KCNMA1: variants seen among roughly 807,000 people sequenced by gnomAD.
KCNMA1 encodes potassium calcium-activated channel subfamily M alpha 1.
Under a neutral mutation model 140.0 loss-of-function variants are expected in KCNMA1, and 29 were observed. The ratio of observed to expected loss-of-function variants is 0.21; its 90% CI spans 0.15 to 0.28. The LOEUF (loss-of-function observed/expected upper bound fraction) is 0.28. Among genes scored for constraint, KCNMA1 ranks in the 10% least tolerant of loss-of-function variants. The probability of loss-of-function intolerance (pLI) is 1.00; values close to 1 mark genes in which losing one functional copy is unlikely to be tolerated. For missense variants in KCNMA1, 880 were observed against 1,602.2 expected (o/e 0.55, Z 7.70); for synonymous variants, 612 against 611.9 (o/e 1.00, Z 0.00).
chr10:77,314,174 G>A (rs1003052386), intron 2 of KCNMA1: 1 of 152,098 alleles, frequency 6.6e-6, no homozygotes, highest in Non-Finnish European at 1.5e-5. Flanking sequence ...GTGTCTATTG[G>A]GTGTACAGTG....
chr10:76,889,701 G>A (rs1374373818), intron 26 of KCNMA1, 132 bp from the exon 27 acceptor site: 1 of 764,736 alleles, frequency 1.3e-6, no homozygotes, highest in African/African-American at 1.7e-5. Flanking sequence ...ATGTGCCAAG[G>A]GACGGCAGTG....
chr10:77,244,967 G>A lies in KCNMA1; in HGVS notation c.602+6228C>T, dbSNP rs11593851. Among the ~76,000 whole-genome samples, 4 of 151,812 alleles carry A rather than the reference G, an allele frequency of 2.6e-5. No individual in the cohort carries two copies. In the East Asian group the frequency reaches 5.8e-4, roughly 22 times the overall value. ...GTTCCCTTCACAGATGTGCAGTGCC[G>A]TTCTGAACATCCTGCCCTTGAACTT... On this transcript the variant is annotated intron_variant, in intron 3 of 27. Transcript: ENST00000286628.
At chr10:77,200,772 A>G (rs2042203546) in intron 3 of KCNMA1, among the ~76,000 whole-genome samples, 1 of 152,274 alleles carries the variant, frequency 6.6e-6, no homozygotes, top group African/African-American at 2.4e-5. Context: ...TGGACATAGT[A>G]GACACATGCC....
At chr10:77,170,980 C>T (rs2098700043) in intron 5 of KCNMA1, among the ~76,000 whole-genome samples, 1 of 152,166 alleles carries the variant, frequency 6.6e-6, no homozygotes, top group Non-Finnish European at 1.5e-5. Flanking sequence ...TAAAGGATTA[C>T]ATTAATAAGA....
chr10:77,063,698 C>T, intron 14 of KCNMA1: 1 of 979,020 alleles, frequency 1.0e-6, no homozygotes, highest in Non-Finnish European at 1.2e-6. Context: ...TATTTTATTC[C>T]TTATGGCTTA....
chr10:76,952,261 C>G, intron 21 of KCNMA1: 2 of 1,336,722 alleles, frequency 1.5e-6, no homozygotes, highest in East Asian at 5.2e-5. Context: ...TGACTCACGC[C>G]TGTAATCCCA....
chr10:77,205,323 G>A (rs918581336), intron 3 of KCNMA1, among the ~76,000 whole-genome samples: 4 of 152,170 alleles, frequency 2.6e-5, no homozygotes, highest in African/African-American at 9.7e-5. Flanking sequence ...AGAGATGTGT[G>A]CATATCAAAT....
intron 19 of KCNMA1, 41 bp downstream of exon 19, chr10:77,001,366 C>T: frequency 1.3e-6 from 2 of 1,527,772 alleles, no homozygotes; most frequent in East Asian, 2.5e-5. Flanking sequence ...ATACCACAGA[C>T]AGCACAAACA....
At chr10:77,490,825 C>G (rs757228824) in intron 1 of KCNMA1, among the ~76,000 whole-genome samples, 1 of 152,202 alleles carries the variant, frequency 6.6e-6, no homozygotes, top group Non-Finnish European at 1.5e-5. Flanking sequence ...GGACCGAAAT[C>G]TCTAGGACCA....
chr10:77,402,260 G>A (rs193119228), intron 2 of KCNMA1, among the ~76,000 whole-genome samples: 18 of 152,296 alleles, frequency 1.2e-4, no homozygotes, highest in African/African-American at 4.3e-4. Context: ...GAGGCAGGAG[G>A]AGAGATAGAG....
At chr10:77,184,738 C>G in intron 4 of KCNMA1, 85 bp downstream of exon 4, 1 of 883,190 alleles carries the variant, frequency 1.1e-6, no homozygotes, top group Non-Finnish European at 1.9e-6. Flanking sequence ...ATCTTGACTG[C>G]GAGAGCAGAG....
intron 3 of KCNMA1, among the ~76,000 whole-genome samples, chr10:77,195,981 A>G (rs2040335285): frequency 6.6e-6 from 1 of 152,118 alleles, no homozygotes; most frequent in Non-Finnish European, 1.5e-5. Context: ...AGCTATTTCC[A>G]CCATATCAAT....
At chr10:77,460,756 G>T (rs2097851540) in intron 1 of KCNMA1, among the ~76,000 whole-genome samples, 1 of 152,064 alleles carries the variant, frequency 6.6e-6, no homozygotes, top group South Asian at 2.1e-4. Context: ...ATACAGAATG[G>T]AATAATAATA....
At chr10:76,934,637 G>A (rs2060069454) in intron 23 of KCNMA1, among the ~76,000 whole-genome samples, 1 of 152,176 alleles carries the variant, frequency 6.6e-6, no homozygotes, top group African/African-American at 2.4e-5. Flanking sequence ...GAGACAACAG[G>A]GGCACTAACC....
At chr10:77,596,566 A>C (rs2154565685) in intron 1 of KCNMA1, among the ~76,000 whole-genome samples, 1 of 152,292 alleles carries the variant, frequency 6.6e-6, no homozygotes. Context: ...ATACCCACAG[A>C]GGTTGTACCA....
intron 23 of KCNMA1, among the ~76,000 whole-genome samples, chr10:76,917,866 A>T (rs776352282): frequency 1.3e-5 from 2 of 152,196 alleles, no homozygotes; most frequent in Non-Finnish European, 2.9e-5. Context: ...GATATGGGAA[A>T]ATTATGGTCA....
chr10:77,202,033 T>C (rs2042658353), intron 3 of KCNMA1, among the ~76,000 whole-genome samples: 1 of 152,214 alleles, frequency 6.6e-6, no homozygotes, highest in African/African-American at 2.4e-5. Flanking sequence ...AAAATGAAGT[T>C]CTAATTTTAA....
intron 2 of KCNMA1, among the ~76,000 whole-genome samples, chr10:77,396,455 G>A (rs1396716126): frequency 1.3e-5 from 2 of 152,172 alleles, no homozygotes; most frequent in Non-Finnish European, 2.9e-5. Context: ...TGAATGCAAT[G>A]AATGTGATAT....
chr10:77,200,262 T>C (rs1245674570), intron 3 of KCNMA1, among the ~76,000 whole-genome samples: 3 of 152,176 alleles, frequency 2.0e-5, no homozygotes, highest in Non-Finnish European at 1.5e-5. Flanking sequence ...GATAGAAATT[T>C]AAATGCTGGA....
Sources: gnomAD v4.1 joint callset for allele counts (sites outside exome capture counted in the v4.1 genomes callset) on GRCh38, gnomAD v4.1.1 for gene constraint, MANE v1.5 for transcripts, NCBI Gene and HGNC (gene_info 2026-07-23, HGNC 2026-07-21) for gene names.